EYS: variants seen among roughly 807,000 people sequenced by gnomAD.
EYS encodes the protein protein eyes shut homolog.
In EYS, 250 loss-of-function variants were observed where a neutral mutation model predicts 282.1. The observed-to-expected ratio is 0.89, with a 90% CI of 0.80 to 0.98. The LOEUF (loss-of-function observed/expected upper bound fraction) is 0.98. EYS is among the 50% of genes least tolerant of loss of function. EYS has a pLI of 0.00. For synonymous variants in EYS, 1,355 were observed against 1,282.9 expected (o/e 1.06, Z -1.20); for missense variants, 4,016 against 3,709.0 (o/e 1.08, Z -2.15).
At chr6:64,420,184 G>A (rs1206295955) in intron 28 of EYS, among the ~76,000 whole-genome samples, 3 of 151,984 alleles carry the variant, frequency 2.0e-5, no homozygotes, top group East Asian at 1.9e-4. Context: ...CCAAGACCTG[G>A]GGCTTACACC....
rs572463583 is a variant in EYS at position 65,391,758 on chromosome 6, C to T, written c.1185-7258G>A. Among the ~76,000 whole-genome samples, 5 of 152,156 alleles carry T rather than the reference C, an allele frequency of 3.3e-5. No individual in the cohort carries two copies. The East Asian group carries it at 9.7e-4, about 29-fold the overall frequency. On this transcript the variant is annotated intron_variant, in intron 7 of 42. Transcript: ENST00000503581. Reference sequence around the variant, plus strand: ...TGGCCATACTGCCCAAGGTAATTTACAGATTCAATGCCATCCCCATCAAGC... The same window carrying T: ...TGGCCATACTGCCCAAGGTAATTTATAGATTCAATGCCATCCCCATCAAGC...
chr6:65,376,208 T>C (rs1765358636), intron 8 of EYS, among the ~76,000 whole-genome samples: 1 of 151,664 alleles, frequency 6.6e-6, no homozygotes, highest in Admixed American at 6.6e-5. Context: ...CAGAAAAGAG[T>C]GGTGCCCAAT....
chr6:64,285,345 C>G (rs1043024681), intron 30 of EYS, among the ~76,000 whole-genome samples: 10 of 152,168 alleles, frequency 6.6e-5, no homozygotes, highest in Non-Finnish European at 1.3e-4. Flanking sequence ...CCACAAATCT[C>G]TAGGGCAGGG....
At chr6:65,546,676 A>G (rs1768403454) in intron 2 of EYS, among the ~76,000 whole-genome samples, 1 of 151,760 alleles carries the variant, frequency 6.6e-6, no homozygotes, top group East Asian at 1.9e-4. Flanking sequence ...GGTTCAAGAG[A>G]TTCTCATGCC....
At chr6:63,865,755 C>T (rs745631828) in intron 35 of EYS, among the ~76,000 whole-genome samples, 2 of 152,086 alleles carry the variant, frequency 1.3e-5, no homozygotes, top group African/African-American at 2.4e-5. Flanking sequence ...TAGGAAAGAA[C>T]CATTTTTTTC....
intron 30 of EYS, among the ~76,000 whole-genome samples, chr6:64,262,664 G>T (rs1018965447): frequency 6.6e-6 from 1 of 151,966 alleles, no homozygotes; most frequent in African/African-American, 2.4e-5. Context: ...ATGTTGGAGA[G>T]AAACATCTTA....
chr6:65,066,810 T>G (rs1289782494), intron 12 of EYS, among the ~76,000 whole-genome samples: 1 of 152,174 alleles, frequency 6.6e-6, no homozygotes, highest in Non-Finnish European at 1.5e-5. Context: ...TAGTTACATA[T>G]TGCATTGTGA....
At chr6:65,097,353 G>A (rs992692734) in intron 12 of EYS, among the ~76,000 whole-genome samples, 1 of 150,398 alleles carries the variant, frequency 6.6e-6, no homozygotes, top group Non-Finnish European at 1.5e-5. Context: ...AACAAGTATT[G>A]GTGAGGATGT....
intron 7 of EYS, among the ~76,000 whole-genome samples, chr6:65,398,398 T>C (rs1044901811): frequency 1.3e-5 from 2 of 151,826 alleles, no homozygotes; most frequent in South Asian, 4.1e-4. Context: ...CAATAAATAG[T>C]GCTGGGAAAA....
At chr6:64,984,458 T>A (rs2150118623) in intron 14 of EYS, among the ~76,000 whole-genome samples, 1 of 151,602 alleles carries the variant, frequency 6.6e-6, no homozygotes, top group African/African-American at 2.4e-5. Flanking sequence ...GTCCATATCT[T>A]TTTAAACTGC....
chr6:64,322,192 T>G (rs1770240334), intron 29 of EYS, among the ~76,000 whole-genome samples: 1 of 151,998 alleles, frequency 6.6e-6, no homozygotes, highest in South Asian at 2.1e-4. Context: ...GCCTGAAAAT[T>G]AATCGACATT....
At chr6:65,336,400 A>T (rs1365600921) in intron 10 of EYS, among the ~76,000 whole-genome samples, 1 of 151,700 alleles carries the variant, frequency 6.6e-6, no homozygotes, top group African/African-American at 2.4e-5. Flanking sequence ...TAATAGTCAA[A>T]TTGTTTATAC....
chr6:64,048,486 A>G (rs1320134386), intron 33 of EYS, among the ~76,000 whole-genome samples: 1 of 152,132 alleles, frequency 6.6e-6, no homozygotes, highest in African/African-American at 2.4e-5. Flanking sequence ...GCTGGCCTAG[A>G]AAAGCTAAAG....
chr6:63,955,719 TA>T (rs1381378862), intron 35 of EYS, among the ~76,000 whole-genome samples: 15 of 151,396 alleles, frequency 9.9e-5, no homozygotes, highest in Non-Finnish European at 1.3e-4. Context: ...TATGACAACA[TA>T]AAAAAAAACT....
rs1181576952 is a variant in EYS, at chr6:64,299,043, CA to C, written c.6191+7926del. Among the ~76,000 whole-genome samples, 7 of 152,240 alleles carry C rather than the reference CA, an allele frequency of 4.6e-5. No individual in the cohort carries two copies. In the East Asian group the frequency reaches 1.4e-3, roughly 29 times the overall value. ...GTGGTGGGAAAAATTGTAAAATAGA[CA>C]CAAACCTTCTTGGAAGGCCGGAAGG... On this transcript the variant is annotated intron_variant, in intron 30 of 42. Transcript: ENST00000503581.
intron 5 of EYS, among the ~76,000 whole-genome samples, chr6:65,469,114 C>T (rs1765112408): frequency 6.6e-6 from 1 of 151,928 alleles, no homozygotes; most frequent in South Asian, 2.1e-4. Context: ...AAGTATTTCC[C>T]ATTCAAGATA....
chr6:65,044,805 G>C (rs1177342541), intron 13 of EYS, among the ~76,000 whole-genome samples: 1 of 151,646 alleles, frequency 6.6e-6, no homozygotes, highest in African/African-American at 2.4e-5. Context: ...TTTGTATTTT[G>C]GTACCCTTCC....
Position 63,722,925 on chromosome 6 carries a change from G to A in EYS, c.8234-1128C>T, listed in dbSNP as rs150209519. Among the ~76,000 whole-genome samples, 796 of 152,238 alleles carry A rather than the reference G, an allele frequency of 5.2e-3. 5 individuals are homozygous for A. Among genetic ancestry groups the A allele is most frequent in the African/African-American group, 0.018 (757 of 41,544 alleles). ...GAATTTTTAGTGAGTATACTATGTC[G>A]TTACATATGTGATATTTGGTTAACA... On this transcript the variant is annotated intron_variant, in intron 42 of 42. Transcript: ENST00000503581.
intron 31 of EYS, among the ~76,000 whole-genome samples, chr6:64,115,936 T>G (rs938344840): frequency 5.3e-5 from 8 of 152,032 alleles, no homozygotes; most frequent in Admixed American, 2.0e-4. Flanking sequence ...AAACCCACAA[T>G]TACTTTGGCA....
Sources: allele counts gnomAD v4.1 joint callset (sites outside exome capture counted in the v4.1 genomes callset), GRCh38; gene constraint gnomAD v4.1.1; transcripts MANE v1.5; gene names NCBI Gene and HGNC (gene_info 2026-07-23, HGNC 2026-07-21).